The following MOBP variants were observed in gnomAD, a reference collection of about 807,000 sequenced individuals.
MOBP encodes the protein myelin associated oligodendrocyte basic protein, also known as myelin-associated oligodendrocyte basic protein.
A neutral mutation model predicts 15.0 loss-of-function variants in MOBP; 5 were observed. That is an observed-to-expected ratio of 0.33 (90% confidence interval 0.17 to 0.70). The LOEUF (loss-of-function observed/expected upper bound fraction) is 0.70, where lower values mean the gene tolerates loss of function less well. Among genes scored for constraint, MOBP ranks in the 30% least tolerant of loss-of-function variants. The probability of loss-of-function intolerance (pLI) is 0.67; values close to 1 mark genes in which losing one functional copy is unlikely to be tolerated. For synonymous variants in MOBP, 88 were observed against 99.0 expected (o/e 0.89, Z 0.66); for missense variants, 188 against 257.8 (o/e 0.73, Z 1.85).
At position 39,502,376 on chromosome 3, in the gene MOBP, G is replaced by T; in HGVS notation, c.206+101G>T. 1.3e-6 allele frequency: 2 copies of T among 1,561,228 alleles called. No individual in the cohort carries two copies. Among genetic ancestry groups the T allele is most frequent in the South Asian group, 1.2e-5 (1 of 84,860 alleles). ...CCGCACCCCACTCTTCCCCCTAGTC[G>T]GCTCCGGGTTAGGCTCCGACACCGG... On this transcript the variant is annotated intron_variant, in intron 3 of 3. Transcript: ENST00000684792. The surrounding 1 kb of genome is among the most constrained non-coding windows in gnomAD (Gnocchi z 6.3).
At chr3:39,520,559 TGTGTGTGTGTGTGTATGA>T (rs1371104651), downstream of MOBP, among the ~76,000 whole-genome samples, 3 of 130,764 alleles carry the variant, frequency 2.3e-5, no homozygotes, top group African/African-American at 1.0e-4. Context: ...TGTGTGTGTA[TGTGTGTGTGTGTGTATGA>T]GAGAGAGAGA....
At chr3:39,483,619 T>G (rs1423017371) in intron 2 of MOBP, among the ~76,000 whole-genome samples, 1 of 152,222 alleles carries the variant, frequency 6.6e-6, no homozygotes, top group Non-Finnish European at 1.5e-5. Flanking sequence ...CAATACAATT[T>G]GGGAGATTGG....
chr3:39,469,676 C>A (rs1380648887), intron 1 of MOBP, among the ~76,000 whole-genome samples: 2 of 152,084 alleles, frequency 1.3e-5, no homozygotes, highest in Non-Finnish European at 2.9e-5. Flanking sequence ...GCAGTTTTCT[C>A]ACAATTATGC....
At chr3:39,529,114 T>C (rs1223400108), downstream of MOBP, 2 of 152,096 alleles carry the variant, frequency 1.3e-5, no homozygotes, top group Non-Finnish European at 2.9e-5. Context: ...AAATGTTAGG[T>C]AAGTGGACAG....
At chr3:39,486,271 T>C (rs1247402920) in intron 2 of MOBP, among the ~76,000 whole-genome samples, 1 of 152,190 alleles carries the variant, frequency 6.6e-6, no homozygotes, top group Non-Finnish European at 1.5e-5. Flanking sequence ...AACGGGGCTA[T>C]TATGAGGTTA....
chr3:39,492,432 G>T (rs1428831612), intron 2 of MOBP, among the ~76,000 whole-genome samples: 1 of 152,176 alleles, frequency 6.6e-6, no homozygotes, highest in Non-Finnish European at 1.5e-5. Context: ...TACAAAGTAG[G>T]AAGGGATGGT....
intron 4 of MOBP, among the ~76,000 whole-genome samples, chr3:39,510,615 A>G (rs1016994991): frequency 6.6e-6 from 1 of 152,146 alleles, no homozygotes; most frequent in East Asian, 1.9e-4. Context: ...GTTCATTGCT[A>G]GTATACAAAA....
intron 2 of MOBP, among the ~76,000 whole-genome samples, chr3:39,483,289 T>C (rs2042653944): frequency 6.6e-6 from 1 of 152,196 alleles, no homozygotes; most frequent in Non-Finnish European, 1.5e-5. Flanking sequence ...GATTGCAAAA[T>C]GGAACAGAGA....
At chr3:39,494,372 C>T (rs535193) in intron 2 of MOBP, among the ~76,000 whole-genome samples, 2 of 152,040 alleles carry the variant, frequency 1.3e-5, no homozygotes, top group African/African-American at 4.8e-5. Flanking sequence ...CCTTCACTTT[C>T]TTCTCCTTCT....
intron 2 of MOBP, among the ~76,000 whole-genome samples, chr3:39,496,299 C>T (rs182476160): frequency 4.7e-5 from 7 of 149,646 alleles, no homozygotes; most frequent in East Asian, 4.0e-4. Context: ...CCCAGGTTCA[C>T]GCCATTCTCC....
downstream of MOBP, among the ~76,000 whole-genome samples, chr3:39,504,407 C>T (rs1009524282): frequency 6.6e-6 from 1 of 152,258 alleles, no homozygotes; most frequent in Non-Finnish European, 1.5e-5. Flanking sequence ...TGAAAGCAAA[C>T]TTCACCATAC....
intron 2 of MOBP, among the ~76,000 whole-genome samples, chr3:39,493,444 C>G (rs2042830619): frequency 6.6e-6 from 1 of 151,886 alleles, no homozygotes; most frequent in Non-Finnish European, 1.5e-5. Flanking sequence ...TGAGAAAGGT[C>G]CCTTCCTCTA....
chr3:39,503,796 C>T (rs994645309), downstream of MOBP, among the ~76,000 whole-genome samples: 5 of 152,070 alleles, frequency 3.3e-5, no homozygotes, highest in Admixed American at 2.0e-4. Context: ...CTCATATCTA[C>T]TCTGATACCC....
At chr3:39,479,251 G>T (rs1231572913) in intron 1 of MOBP, among the ~76,000 whole-genome samples, 1 of 152,074 alleles carries the variant, frequency 6.6e-6, no homozygotes, top group African/African-American at 2.4e-5. Context: ...CTCTTACAAA[G>T]ATTTCTATAG....
chr3:39,487,241 C>T (rs771420635), intron 2 of MOBP, among the ~76,000 whole-genome samples: 7 of 152,060 alleles, frequency 4.6e-5, no homozygotes, highest in African/African-American at 1.7e-4. Context: ...CCATGCCCAG[C>T]CTGTAGTTTT....
intron 1 of MOBP, among the ~76,000 whole-genome samples, chr3:39,470,119 G>C (rs2042448373): frequency 1.3e-5 from 2 of 152,186 alleles, no homozygotes; most frequent in South Asian, 4.1e-4. Context: ...CTCCAGGCTG[G>C]CTGGCATCCT....
chr3:39,502,043 C>T lies in MOBP; in HGVS notation c.-4-23C>T, dbSNP rs776027065. The T allele has an allele frequency of 1.2e-6, 2 of 1,605,212 alleles. No individual in the cohort carries two copies. The highest frequency in any genetic ancestry group is 2.2e-5 in the South Asian group (2 of 90,852). ...GATGTGCGTTTATGTCTCCTCCTGT[C>T]TCCTTGCATCGGCGATTTCCAGTGA... On this transcript the variant is annotated intron_variant, in intron 2 of 3. Coordinates refer to ENST00000684792, the MANE Select transcript of MOBP (RefSeq NM_001393704.1). The surrounding 1 kb of genome is among the most constrained non-coding windows in gnomAD (Gnocchi z 6.3).
At chr3:39,480,283 T>TC (rs1393015718) in intron 2 of MOBP, among the ~76,000 whole-genome samples, 160 bp downstream of exon 2, 1 of 152,184 alleles carries the variant, frequency 6.6e-6, no homozygotes, top group Non-Finnish European at 1.5e-5. Flanking sequence ...TCCACATGGC[T>TC]CACCCTATTC....
chr3:39,505,864 T>C (rs965859178), downstream of MOBP, among the ~76,000 whole-genome samples: 1 of 152,218 alleles, frequency 6.6e-6, no homozygotes, highest in African/African-American at 2.4e-5. Flanking sequence ...TGCATAGAGC[T>C]GCTGAGTGCA....
Sources: gnomAD v4.1 joint callset for allele counts (sites outside exome capture counted in the v4.1 genomes callset) on GRCh38, gnomAD v4.1.1 for gene constraint, Gnocchi (gnomAD v3.1) non-coding constraint, MANE v1.5 for transcripts, NCBI Gene and HGNC (gene_info 2026-07-23, HGNC 2026-07-21) for gene names.